The following CSMD1 variants were observed in gnomAD, a reference collection of about 807,000 sequenced individuals.
CSMD1 encodes the protein CUB and Sushi multiple domains 1, also known as CUB and sushi domain-containing protein 1.
A neutral mutation model predicts 417.5 loss-of-function variants in CSMD1; 213 were observed. The ratio of observed to expected loss-of-function variants is 0.51; its 90% confidence interval spans 0.46 to 0.57. The LOEUF (loss-of-function observed/expected upper bound fraction) is 0.57. CSMD1 is among the 20% of genes least tolerant of loss of function. CSMD1 has a pLI of 0.00. For missense variants in CSMD1, 6,923 were observed against 4,529.7 expected, an observed-to-expected ratio of 1.53 and a Z score of -15.17; for synonymous variants, 2,862 against 1,736.8, an observed-to-expected ratio of 1.65 and a Z score of -16.11.
At chr8:3,314,915 T>C (rs1805636660) in intron 23 of CSMD1, among the ~76,000 whole-genome samples, 1 of 152,208 alleles carries the variant, frequency 6.6e-6, no homozygotes, top group Non-Finnish European at 1.5e-5. Flanking sequence ...TAATGTGAGT[T>C]TTTTCAGCTT....
chr8:3,463,644 C>A (rs1483305192), intron 12 of CSMD1, among the ~76,000 whole-genome samples: 1 of 152,172 alleles, frequency 6.6e-6, no homozygotes, highest in African/African-American at 2.4e-5. Context: ...GGGACAGCAC[C>A]CTGTGCCGTC....
intron 6 of CSMD1, among the ~76,000 whole-genome samples, chr8:3,736,233 AT>A (rs960550035): frequency 6.6e-6 from 1 of 151,832 alleles, no homozygotes; most frequent in South Asian, 2.1e-4. Flanking sequence ...GTGTGTGTGT[AT>A]TTTTTTGTTT....
intron 18 of CSMD1, among the ~76,000 whole-genome samples, chr8:3,383,466 C>G (rs1810771291): frequency 2.0e-5 from 3 of 150,966 alleles, no homozygotes; most frequent in Non-Finnish European, 1.5e-5. Context: ...AGAAAAACCT[C>G]ATGCATGGAG....
chr8:4,935,124 C>T (rs1028484615), intron 1 of CSMD1, among the ~76,000 whole-genome samples: 1 of 152,224 alleles, frequency 6.6e-6, no homozygotes, highest in African/African-American at 2.4e-5. Context: ...TTATAGCTCA[C>T]CACTTTCAAT....
intron 3 of CSMD1, among the ~76,000 whole-genome samples, chr8:4,291,937 A>T (rs1377439094): frequency 6.6e-6 from 1 of 152,206 alleles, no homozygotes; most frequent in Admixed American, 6.5e-5. Context: ...TATGTGAAAA[A>T]GCAGGCAGGG....
intron 1 of CSMD1, among the ~76,000 whole-genome samples, chr8:4,866,331 T>C (rs1206847693): frequency 6.6e-6 from 1 of 152,020 alleles, no homozygotes; most frequent in Non-Finnish European, 1.5e-5. Flanking sequence ...CTCCAGAGAT[T>C]TCTTTACAAA....
chr8:3,769,814 G>A (rs1055292831), intron 5 of CSMD1, among the ~76,000 whole-genome samples: 7 of 152,192 alleles, frequency 4.6e-5, no homozygotes, highest in Non-Finnish European at 7.3e-5. Context: ...TACGATGCAT[G>A]TGTGTTGAAT....
chr8:3,671,015 G>A (rs1392213750), intron 7 of CSMD1, among the ~76,000 whole-genome samples: 1 of 130,376 alleles, frequency 7.7e-6, no homozygotes, highest in Non-Finnish European at 1.7e-5. Flanking sequence ...GGATATATAT[G>A]TATATGGGAT....
At chr8:4,468,672 T>A (rs1349359529) in intron 2 of CSMD1, among the ~76,000 whole-genome samples, 1 of 152,158 alleles carries the variant, frequency 6.6e-6, no homozygotes, top group South Asian at 2.1e-4. Flanking sequence ...TCTCCTCCCC[T>A]GGACTGTATG....
intron 1 of CSMD1, among the ~76,000 whole-genome samples, chr8:4,989,783 T>C (rs13275884): frequency 6.6e-6 from 1 of 152,156 alleles, no homozygotes; most frequent in Non-Finnish European, 1.5e-5. Context: ...ACGTCTTCAC[T>C]GGGTTTGCTG....
At chr8:4,550,030 G>A (rs1199645485) in intron 2 of CSMD1, among the ~76,000 whole-genome samples, 1 of 151,792 alleles carries the variant, frequency 6.6e-6, no homozygotes, top group Non-Finnish European at 1.5e-5. Flanking sequence ...GGAGAAAAGT[G>A]GCTGCAGCAT....
rs143149526 is a variant in CSMD1 at position 3,495,420 on chromosome 8, C to G, written c.1345-1694G>C. Among the ~76,000 whole-genome samples the G allele has an allele frequency of 3.7e-3, 559 of 152,166 alleles. 6 individuals carry two copies. Among genetic ancestry groups the G allele is most frequent in the African/African-American group, 0.013 (528 of 41,504 alleles). ...TTGCAATGTGTACAGATAGGGGTCA[C>G]ACTATATGAATGGGCTCTCATTAGG... On this transcript the variant is annotated intron_variant, in intron 10 of 69. Coordinates refer to ENST00000635120, the MANE Select transcript of CSMD1 (RefSeq NM_033225.6).
intron 61 of CSMD1, among the ~76,000 whole-genome samples, chr8:2,962,111 G>C (rs930076243): frequency 1.3e-5 from 2 of 152,120 alleles, no homozygotes; most frequent in Non-Finnish European, 2.9e-5. Flanking sequence ...TAAAACAACA[G>C]CAAGACTGTC....
intron 47 of CSMD1, among the ~76,000 whole-genome samples, chr8:3,093,039 T>C (rs1186543833): frequency 6.6e-6 from 1 of 152,198 alleles, no homozygotes; most frequent in Admixed American, 6.5e-5. Flanking sequence ...GCAGTTCTCA[T>C]GATTTTTTTC....
rs73509096 is a variant in CSMD1, at chr8:4,662,567, A to G, written c.86-25009T>C. 6.4e-3 allele frequency among the ~76,000 whole-genome samples: 976 copies of G among 152,304 alleles called. 14 individuals carry two copies. The highest frequency in any genetic ancestry group is 0.023 in the African/African-American group (936 of 41,568). The stretch of plus-strand genomic sequence containing the variant: ...GTCTCCCTGGAGAATGCTAATGTAA[A>G]GATGTCATTCATGTGCCCAACAATG... On this transcript the variant is annotated intron_variant, in intron 1 of 69. Transcript: ENST00000635120.
intron 22 of CSMD1, among the ~76,000 whole-genome samples, chr8:3,344,912 A>T (rs1228404457): frequency 6.6e-6 from 1 of 152,182 alleles, no homozygotes; most frequent in Non-Finnish European, 1.5e-5. Flanking sequence ...AAGACTATTG[A>T]CCCAGGTCAT....
chr8:3,427,708 T>A (rs929578890), intron 12 of CSMD1, among the ~76,000 whole-genome samples: 3 of 152,214 alleles, frequency 2.0e-5, no homozygotes, highest in South Asian at 2.1e-4. Context: ...TTTTTTCAAA[T>A]TCCATGGAAA....
chr8:4,223,268 G>A (rs1346693083), intron 3 of CSMD1, among the ~76,000 whole-genome samples: 1 of 152,126 alleles, frequency 6.6e-6, no homozygotes, highest in African/African-American at 2.4e-5. Context: ...CTGACATTCT[G>A]AGCATCCAGA....
chr8:4,082,366 A>T (rs1404011635), intron 3 of CSMD1, among the ~76,000 whole-genome samples: 1 of 152,206 alleles, frequency 6.6e-6, no homozygotes, highest in Admixed American at 6.5e-5. Context: ...AGATGGTTTC[A>T]CTGGTGAGTT....
Sources: allele counts gnomAD v4.1 joint callset (sites outside exome capture counted in the v4.1 genomes callset), GRCh38; gene constraint gnomAD v4.1.1; transcripts MANE v1.5; gene names NCBI Gene and HGNC (gene_info 2026-07-23, HGNC 2026-07-21).